Variants in TSHZ1 observed in about 807,000 individuals in gnomAD.
The protein encoded by TSHZ1 is teashirt zinc finger homeobox 1.
TSHZ1 carries 12 observed loss-of-function variants against 67.1 expected under a neutral mutation model. The observed-to-expected ratio is 0.18, with a 90% CI of 0.11 to 0.29. TSHZ1 has a LOEUF of 0.29. Among genes scored for constraint, TSHZ1 ranks in the 10% least tolerant of loss-of-function variants. The pLI, the probability that TSHZ1 is intolerant of heterozygous loss-of-function variation, is 1.00. For missense variants in TSHZ1, 1,305 were observed against 1,413.9 expected (o/e 0.92, Z 1.23); for synonymous variants, 632 against 622.4 (o/e 1.02, Z -0.23).
Position 75,286,590 on chromosome 18 carries a change from C to T in TSHZ1, c.1183C>T (p.Arg395Cys), listed in dbSNP as rs956928502. ...AANPYVTPNNRYGYQNGASYT... is the reference protein window; with the variant it reads ...AANPYVTPNNCYGYQNGASYT... ...GAACCCGTACGTCACGCCCAATAAC[C>T]GCTATGGCTACCAGAATGGCGCCAG... The change falls in exon 2 of 2, where the codon CGC becomes TGC. Residue 395 changes from arginine to cysteine, a missense_variant. Arg to Cys is a radical substitution (Grantham distance 180). Coordinates refer to ENST00000580243, the MANE Select transcript of TSHZ1 (RefSeq NM_001308210.2). This position sits in a 1 kb window ranked among gnomAD's most constrained non-coding sequence, Gnocchi z 5.1. The T allele has an allele frequency of 1.9e-5, 31 of 1,614,116 alleles. No homozygotes were observed. Among genetic ancestry groups the T allele is most frequent in the Non-Finnish European group, 2.5e-5 (29 of 1,180,054 alleles).
At chr18:75,217,449 T>C (rs190802407) in intron 1 of TSHZ1, among the ~76,000 whole-genome samples, 1 of 152,322 alleles carries the variant, frequency 6.6e-6, no homozygotes, top group African/African-American at 2.4e-5. Context: ...AGTAGTGTTT[T>C]TGTTTGTTTT....
intron 1 of TSHZ1, among the ~76,000 whole-genome samples, chr18:75,232,908 G>A (rs540584181): frequency 6.6e-6 from 1 of 152,340 alleles, no homozygotes; most frequent in Admixed American, 6.5e-5. Context: ...TGTCTGTTCT[G>A]GTCAGGTTAA....
At chr18:75,255,344 G>A (rs901334080) in intron 1 of TSHZ1, among the ~76,000 whole-genome samples, 4 of 152,116 alleles carry the variant, frequency 2.6e-5, no homozygotes, top group African/African-American at 4.8e-5. Flanking sequence ...TAGAGCTGTA[G>A]GAAATGTTAC....
chr18:75,211,920 A>T lies in TSHZ1; in HGVS notation c.40+4A>T. 1 of 1,198,938 alleles carries T rather than the reference A, an allele frequency of 8.3e-7. No homozygotes were observed. The highest frequency in any genetic ancestry group is 1.0e-6 in the Non-Finnish European group (1 of 967,676). The allele number at this position is 1,198,938 out of a possible 1,614,324, so 74.3% of individuals were successfully genotyped here. ...CAGGCCCCCCGGCGCTCGGCAGGTA[A>T]CGGGCGCGCGGCCCGCGCCGCGGGG... On this transcript the variant is annotated splice_donor_region_variant and intron_variant, in intron 1 of 1. Coordinates refer to ENST00000580243, the MANE Select transcript of TSHZ1 (RefSeq NM_001308210.2).
chr18:75,251,256 TAAAC>T (rs903414363), intron 1 of TSHZ1, among the ~76,000 whole-genome samples: 3 of 152,048 alleles, frequency 2.0e-5, no homozygotes, highest in African/African-American at 7.2e-5. Flanking sequence ...CACAGAAAAA[TAAAC>T]AAACCAAAAA....
At chr18:75,261,463 G>A (rs1014163342) in intron 1 of TSHZ1, among the ~76,000 whole-genome samples, 5 of 152,186 alleles carry the variant, frequency 3.3e-5, no homozygotes, top group Admixed American at 2.0e-4. Context: ...ACGACCATCA[G>A]CTCAACCTTG....
chr18:75,245,863 T>C (rs947514588), intron 1 of TSHZ1, among the ~76,000 whole-genome samples: 1 of 152,206 alleles, frequency 6.6e-6, no homozygotes, highest in African/African-American at 2.4e-5. Flanking sequence ...ATGCCCACTC[T>C]ATGTACCATA....
intron 1 of TSHZ1, among the ~76,000 whole-genome samples, chr18:75,228,668 G>T (rs1278041539): frequency 6.6e-6 from 1 of 152,220 alleles, no homozygotes. Flanking sequence ...TTTGCTTCAG[G>T]ATGGCAGCGC....
intron 1 of TSHZ1, among the ~76,000 whole-genome samples, chr18:75,259,087 C>G (rs2122578540): frequency 6.6e-6 from 1 of 152,288 alleles, no homozygotes; most frequent in South Asian, 2.1e-4. Flanking sequence ...TTTCTATGTG[C>G]CCACATAGGT....
At chr18:75,220,294 A>G (rs1408336202) in intron 1 of TSHZ1, among the ~76,000 whole-genome samples, 1 of 152,206 alleles carries the variant, frequency 6.6e-6, no homozygotes, top group Non-Finnish European at 1.5e-5. Flanking sequence ...GCATAGAGAT[A>G]AGCATCCTGA....
intron 1 of TSHZ1, among the ~76,000 whole-genome samples, chr18:75,258,660 T>C (rs2023392512): frequency 6.6e-6 from 1 of 152,202 alleles, no homozygotes; most frequent in Non-Finnish European, 1.5e-5. Context: ...AAGGTGAGGT[T>C]GTCAACTTTT....
At chr18:75,234,112 A>C (rs1218324146) in intron 1 of TSHZ1, among the ~76,000 whole-genome samples, 1 of 152,142 alleles carries the variant, frequency 6.6e-6, no homozygotes. Flanking sequence ...GAGAAGCTGA[A>C]ATCTATTCTG....
At chr18:75,256,102 TTAAA>T (rs1255460059) in intron 1 of TSHZ1, among the ~76,000 whole-genome samples, 1 of 152,210 alleles carries the variant, frequency 6.6e-6, no homozygotes, top group African/African-American at 2.4e-5. Context: ...TTTCTGTGCT[TTAAA>T]TAACAATTTT....
intron 1 of TSHZ1, among the ~76,000 whole-genome samples, chr18:75,254,999 A>G (rs1203246093): frequency 6.6e-6 from 1 of 152,214 alleles, no homozygotes; most frequent in African/African-American, 2.4e-5. Context: ...ACTTTCAATA[A>G]TTGATAGTAT....
chr18:75,286,313 T>G lies in TSHZ1; in HGVS notation c.906T>G (p.Asp302Glu). 6.2e-7 allele frequency: 1 copy of G among 1,612,100 alleles called. No individual in the cohort carries two copies. The highest frequency in any genetic ancestry group is 8.5e-7 in the Non-Finnish European group (1 of 1,178,518). ...TGATGGAGATGGAGGGGAAGGAGGA[T>G]GCCCAGAAGGTGCTGAAGTGCATGT... The part of the protein sequence containing the change: ...RSLMEMEGKE[D>E]AQKVLKCMYC... The change falls in exon 2 of 2, where the codon GAT becomes GAG. Residue 302 changes from aspartate (D) to glutamate (E), a missense_variant. This residue lies in a region of TSHZ1 where 38 missense variants were observed against 76.5 expected (regional missense o/e 0.50). Coordinates refer to ENST00000580243, the MANE Select transcript of TSHZ1 (RefSeq NM_001308210.2). The surrounding 1 kb of genome is among the most constrained non-coding windows in gnomAD (Gnocchi z 5.1).
At chr18:75,274,149 C>A (rs1309414086) in intron 1 of TSHZ1, among the ~76,000 whole-genome samples, 1 of 152,062 alleles carries the variant, frequency 6.6e-6, no homozygotes, top group Non-Finnish European at 1.5e-5. Flanking sequence ...TCGTGCTAGG[C>A]TCAGGAAGGG....
In TSHZ1 at chr18:75,287,252, C is replaced by G. The variant is rs766284453; in HGVS notation, c.1845C>G (p.Ala615=). The G allele has an allele frequency of 1.2e-6, 2 of 1,613,838 alleles. No individual in the cohort carries two copies. Among genetic ancestry groups the G allele is most frequent in the Non-Finnish European group, 1.7e-6 (2 of 1,179,990 alleles). ...GCGGCGTGAAGTCGCTGTCTTCCGC[C>G]GAGCACAACGCCCTCCTGCACTCCC... ...YAGGVKSLSS[A]EHNALLHSPG... Residue 615 remains alanine (A), a synonymous_variant, in exon 2 of 2, where the codon GCC becomes GCG. Coordinates refer to ENST00000580243, the MANE Select transcript of TSHZ1 (RefSeq NM_001308210.2). This position sits in a 1 kb window ranked among gnomAD's most constrained non-coding sequence, Gnocchi z 5.0.
rs2122586261 is a variant in TSHZ1 at position 75,264,471 on chromosome 18, A to C, written c.41-20977A>C. On this transcript the variant is annotated intron_variant, in intron 1 of 1. Coordinates refer to ENST00000580243, the MANE Select transcript of TSHZ1 (RefSeq NM_001308210.2). Reference sequence around the variant, plus strand: ...CATGCTTAGCGTTCTCCCAGGAACTATTACACTGACAGATTTTTTTTTTTT... The same window carrying C: ...CATGCTTAGCGTTCTCCCAGGAACTCTTACACTGACAGATTTTTTTTTTTT... Among the ~76,000 whole-genome samples, 3 of 140,240 alleles carry C rather than the reference A, an allele frequency of 2.1e-5. 1 individual carries two copies. The South Asian group carries it at 7.4e-4, about 35-fold the overall frequency. 92.0% of individuals were successfully genotyped at this position (140,240 alleles called of 152,430 possible).
chr18:75,265,534 T>C (rs950198286), intron 1 of TSHZ1, among the ~76,000 whole-genome samples: 1 of 152,238 alleles, frequency 6.6e-6, no homozygotes, highest in Non-Finnish European at 1.5e-5. Flanking sequence ...TTTCAAAGAA[T>C]AGCTAAGGAG....
Sources: allele counts gnomAD v4.1 joint callset (sites outside exome capture counted in the v4.1 genomes callset), GRCh38; gene constraint gnomAD v4.1.1; regional missense constraint gnomAD v4.1.1; non-coding constraint Gnocchi (gnomAD v3.1); transcripts MANE v1.5; gene names NCBI Gene and HGNC (gene_info 2026-07-23, HGNC 2026-07-21).